Variants in TMEM132C observed in about 807,000 individuals in gnomAD.
TMEM132C encodes the protein protein phosphatase 1, regulatory subunit 152.
TMEM132C carries 29 observed loss-of-function variants against 61.4 expected under a neutral mutation model. The ratio of observed to expected loss-of-function variants is 0.47; its 90% CI spans 0.35 to 0.64. The LOEUF is 0.64. Among genes scored for constraint, TMEM132C ranks in the 30% least tolerant of loss-of-function variants. The pLI is 0.00. For missense variants in TMEM132C, 1,408 were observed against 1,476.9 expected, an observed-to-expected ratio of 0.95 and a Z score of 0.76; for synonymous variants, 656 against 633.1, an observed-to-expected ratio of 1.04 and a Z score of -0.54.
At chr12:128,419,912 G>T (rs1868928144) in intron 2 of TMEM132C, among the ~76,000 whole-genome samples, 1 of 152,146 alleles carries the variant, frequency 6.6e-6, no homozygotes, top group African/African-American at 2.4e-5. Context: ...TCAAAATTGG[G>T]TTGGGTATGG....
At chr12:128,431,077 A>T (rs1319247073) in intron 2 of TMEM132C, among the ~76,000 whole-genome samples, 1 of 152,246 alleles carries the variant, frequency 6.6e-6, no homozygotes, top group Non-Finnish European at 1.5e-5. Context: ...CTCTTATGCC[A>T]GTTACCCAAG....
intron 1 of TMEM132C, among the ~76,000 whole-genome samples, chr12:128,308,372 A>G (rs980829604): frequency 2.6e-5 from 4 of 151,760 alleles, no homozygotes; most frequent in Non-Finnish European, 5.9e-5. Flanking sequence ...TTTTATTTCT[A>G]GGGATTCAGA....
intron 1 of TMEM132C, among the ~76,000 whole-genome samples, chr12:128,376,848 T>G (rs935226739): frequency 2.0e-5 from 3 of 152,232 alleles, no homozygotes; most frequent in African/African-American, 7.2e-5. Flanking sequence ...TCTGTTCTCC[T>G]GAGCTTTTCA....
intron 1 of TMEM132C, among the ~76,000 whole-genome samples, chr12:128,368,069 A>C (rs1873921532): frequency 1.3e-5 from 2 of 152,184 alleles, no homozygotes; most frequent in African/African-American, 4.8e-5. Flanking sequence ...GAAAAAGCTG[A>C]TGCTTCTGCG....
chr12:128,407,915 T>C (rs990597271), intron 1 of TMEM132C, among the ~76,000 whole-genome samples: 2 of 151,562 alleles, frequency 1.3e-5, no homozygotes, highest in African/African-American at 4.8e-5. Flanking sequence ...GTTATTATGC[T>C]ACATATCTAG....
Position 128,425,780 on chromosome 12 carries a change from CTG to C in TMEM132C, c.974+10164_974+10165del, listed in dbSNP as rs553707374. Among the ~76,000 whole-genome samples the C allele has an allele frequency of 3.4e-3, 514 of 152,330 alleles. 2 individuals are homozygous for C. Among genetic ancestry groups the C allele is most frequent in the African/African-American group, 0.012 (485 of 41,570 alleles). On this transcript the variant is annotated intron_variant, in intron 2 of 8. Coordinates refer to ENST00000435159, the MANE Select transcript of TMEM132C (RefSeq NM_001136103.3). ...CCCTGTCTTCGTGTGAATTTTCCCT[CTG>C]TGTTTCTCCTGTGTCTCAATATCCC...
chr12:128,413,969 A>C (rs991321067), intron 1 of TMEM132C, among the ~76,000 whole-genome samples: 1 of 152,200 alleles, frequency 6.6e-6, no homozygotes, highest in African/African-American at 2.4e-5. Flanking sequence ...TTAGTGCTTG[A>C]AAGATGTAAC....
At chr12:128,419,959 G>A (rs1000918138) in intron 2 of TMEM132C, among the ~76,000 whole-genome samples, 3 of 152,034 alleles carry the variant, frequency 2.0e-5, no homozygotes, top group Non-Finnish European at 4.4e-5. Flanking sequence ...TTGGGAGGCC[G>A]AGGTGGGCAG....
chr12:128,524,647 C>A (rs866825063), intron 2 of TMEM132C, among the ~76,000 whole-genome samples: 1 of 152,122 alleles, frequency 6.6e-6, no homozygotes, highest in African/African-American at 2.4e-5. Flanking sequence ...GAGAAGCTTG[C>A]GGTGAGATTC....
chr12:128,288,055 CT>C (rs547550461), intron 1 of TMEM132C: 2,737 of 135,120 alleles, frequency 0.02, 38 homozygotes, highest in Middle Eastern at 0.023. Context: ...TCCTCTCTTA[CT>C]TTTTTTTTTT....
intron 2 of TMEM132C, chr12:128,438,101 C>T (rs546570355): frequency 3.9e-5 from 6 of 152,226 alleles, no homozygotes; most frequent in East Asian, 1.9e-4. Flanking sequence ...CTCTTTTAGT[C>T]CTCAAGTGAC....
chr12:128,579,971 G>C (rs981541977), intron 3 of TMEM132C, among the ~76,000 whole-genome samples: 4 of 152,086 alleles, frequency 2.6e-5, no homozygotes, highest in African/African-American at 9.7e-5. Flanking sequence ...GAGGTTCAAA[G>C]AAAGGGAACA....
chr12:128,558,388 T>C (rs1238154448), intron 3 of TMEM132C, among the ~76,000 whole-genome samples: 1 of 152,176 alleles, frequency 6.6e-6, no homozygotes, highest in Non-Finnish European at 1.5e-5. Context: ...CTCATGATAG[T>C]GAATAAGTCT....
At chr12:128,389,809 A>AT (rs1162338871) in intron 1 of TMEM132C, among the ~76,000 whole-genome samples, 2 of 152,228 alleles carry the variant, frequency 1.3e-5, no homozygotes, top group Non-Finnish European at 2.9e-5. Flanking sequence ...CCCTCACCGC[A>AT]TTAAGAAGCT....
At chr12:128,328,228 T>C (rs74466782) in intron 1 of TMEM132C, among the ~76,000 whole-genome samples, 1 of 152,180 alleles carries the variant, frequency 6.6e-6, no homozygotes, top group Non-Finnish European at 1.5e-5. Context: ...CAAACTTTAA[T>C]ATCATAGACA....
chr12:128,267,797 C>A (rs2135884424), intron 1 of TMEM132C, among the ~76,000 whole-genome samples: 1 of 152,310 alleles, frequency 6.6e-6, no homozygotes, highest in Admixed American at 6.5e-5. Context: ...TGTTCCCCAT[C>A]CCTGAGTTCC....
At chr12:128,500,546 A>G (rs920465183) in intron 2 of TMEM132C, among the ~76,000 whole-genome samples, 1 of 152,176 alleles carries the variant, frequency 6.6e-6, no homozygotes, top group African/African-American at 2.4e-5. Context: ...ATGAGTAGAC[A>G]TTTCTCCAAA....
Position 128,693,316 on chromosome 12 carries a change from G to A in TMEM132C, c.1450-513G>A, listed in dbSNP as rs148008927. On this transcript the variant is annotated intron_variant, in intron 5 of 8. Transcript: ENST00000435159. The stretch of plus-strand genomic sequence containing the variant: ...CTGAAAAGACATAACTGCCCAGGGT[G>A]TGAAAACCTCTGGTGCTCACATCAA... Among the ~76,000 whole-genome samples the A allele has an allele frequency of 7.3e-4, 111 of 152,306 alleles. 1 individual carries two copies. The South Asian group carries it at 8.1e-3, about 11-fold the overall frequency.
intron 2 of TMEM132C, among the ~76,000 whole-genome samples, chr12:128,529,998 T>C (rs776522179): frequency 3.3e-5 from 5 of 151,888 alleles, no homozygotes; most frequent in Non-Finnish European, 7.4e-5. Context: ...TTCAATCTGG[T>C]ATTTGGCTAA....
Sources: allele counts gnomAD v4.1 joint callset (sites outside exome capture counted in the v4.1 genomes callset), GRCh38; gene constraint gnomAD v4.1.1; transcripts MANE v1.5; gene names NCBI Gene and HGNC (gene_info 2026-07-23, HGNC 2026-07-21).